The following TOR1AIP2 variants were observed in gnomAD, a reference collection of about 807,000 sequenced individuals.
The protein encoded by TOR1AIP2 is torsin 1A interacting protein 2.
Under a neutral mutation model 32.6 loss-of-function variants are expected in TOR1AIP2, and 20 were observed. That is an observed-to-expected ratio of 0.61 (90% confidence interval 0.43 to 0.89). The LOEUF is 0.89. TOR1AIP2 is among the 40% of genes least tolerant of loss of function. TOR1AIP2 has a pLI of 0.00. For synonymous variants in TOR1AIP2, 214 were observed against 210.8 expected, an observed-to-expected ratio of 1.02 and a Z score of -0.13; for missense variants, 456 against 553.8, an observed-to-expected ratio of 0.82 and a Z score of 1.77.
chr1:179,875,758 G>C (rs1647263269), intron 2 of TOR1AIP2: 1 of 151,468 alleles, frequency 6.6e-6, no homozygotes, highest in Non-Finnish European at 1.5e-5. Context: ...TATTAGTAAA[G>C]AGGAAAACAG....
chr1:179,871,541 T>C (rs1697011695), intron 2 of TOR1AIP2, among the ~76,000 whole-genome samples: 1 of 152,230 alleles, frequency 6.6e-6, no homozygotes, highest in Non-Finnish European at 1.5e-5. Context: ...TATTCTTTTT[T>C]GTGGTAGCAT....
chr1:179,845,634 T>C lies in TOR1AIP2; in HGVS notation c.*437A>G, dbSNP rs1203121304. On this transcript the variant is annotated 3_prime_UTR_variant, in exon 7 of 7. Transcript: ENST00000609928. ...AATATTCAACATGTGATAGAAAAAT[T>C]TTCTAAAGGTTATCATTGCTTCATA... The C allele has an allele frequency of 2.0e-5, 3 of 153,756 alleles. No homozygotes were observed. Among genetic ancestry groups the C allele is most frequent in the African/African-American group, 7.2e-5 (3 of 41,472 alleles). 9.5% of individuals were successfully genotyped at this position (153,756 alleles called of 1,614,324 possible).
At chr1:179,856,487 C>T (rs1696307208) in intron 3 of TOR1AIP2, among the ~76,000 whole-genome samples, 1 of 152,180 alleles carries the variant, frequency 6.6e-6, no homozygotes, top group African/African-American at 2.4e-5. Context: ...CATCACTGTT[C>T]ATAGTTGAAA....
chr1:179,863,766 C>T (rs1461101472), intron 3 of TOR1AIP2: 3 of 983,334 alleles, frequency 3.1e-6, no homozygotes, highest in Non-Finnish European at 3.6e-6. Context: ...TTGCTAAAAG[C>T]ACTAGATACC....
intron 3 of TOR1AIP2, chr1:179,861,418 G>A: frequency 2.0e-6 from 2 of 985,330 alleles, no homozygotes; most frequent in East Asian, 1.1e-4. Flanking sequence ...AATTTTATGA[G>A]CTCTACTACA....
At chr1:179,862,638 A>G (rs987180120) in intron 3 of TOR1AIP2, 1 of 985,310 alleles carries the variant, frequency 1.0e-6, no homozygotes, top group African/African-American at 1.7e-5. Flanking sequence ...TCCTTGCTAA[A>G]AGAGCCCTGG....
chr1:179,860,686 G>A (rs993142650), intron 3 of TOR1AIP2: 87 of 984,326 alleles, frequency 8.8e-5, no homozygotes, highest in Non-Finnish European at 1.0e-4. Context: ...ACTAGATACA[G>A]AGAGGTTAAA....
Position 179,851,985 on chromosome 1 carries a change from AT to A in TOR1AIP2, c.35-623del, listed in dbSNP as rs552077651. Reference sequence around the variant, plus strand: ...AATTCCAAAAGACTTTGTTTCTTTAATAAAAGTAAGAATGGCCAGATGTGGT... The same window carrying A: ...AATTCCAAAAGACTTTGTTTCTTTAAAAAAGTAAGAATGGCCAGATGTGGT... On this transcript the variant is annotated intron_variant, in intron 4 of 6. Coordinates refer to ENST00000609928, the MANE Select transcript of TOR1AIP2 (RefSeq NM_001199260.2). Among the ~76,000 whole-genome samples, 439 of 152,356 alleles carry A rather than the reference AT, an allele frequency of 2.9e-3. 2 individuals are homozygous for A. Among genetic ancestry groups the A allele is most frequent in the African/African-American group, 0.01 (428 of 41,586 alleles).
At chr1:179,858,919 T>A (rs1288267127) in intron 3 of TOR1AIP2, 5 of 714,732 alleles carry the variant, frequency 7.0e-6, no homozygotes, top group Non-Finnish European at 8.6e-6. Context: ...ATTTTTTAAA[T>A]GGAGAAGGAA....
At chr1:179,870,161 C>T (rs1050559252) in intron 2 of TOR1AIP2, among the ~76,000 whole-genome samples, 1 of 152,142 alleles carries the variant, frequency 6.6e-6, no homozygotes, top group Non-Finnish European at 1.5e-5. Flanking sequence ...CTTTGGGAGG[C>T]CAAGGCGGGT....
At chr1:179,860,256 G>A in intron 3 of TOR1AIP2, 1 of 959,208 alleles carries the variant, frequency 1.0e-6, no homozygotes, top group Non-Finnish European at 1.2e-6. Flanking sequence ...GCCCAGGTGA[G>A]AGGATCGCTT....
chr1:179,872,440 C>T (rs1316367733), intron 2 of TOR1AIP2, among the ~76,000 whole-genome samples: 2 of 152,184 alleles, frequency 1.3e-5, no homozygotes, highest in Admixed American at 1.3e-4. Context: ...CTTGCCCACT[C>T]CTCTGTACCA....
chr1:179,861,193 C>A, intron 3 of TOR1AIP2: 1 of 985,382 alleles, frequency 1.0e-6, no homozygotes, highest in Non-Finnish European at 1.2e-6. Context: ...GAGTGTAGCT[C>A]ACACTATTTA....
chr1:179,864,785 T>G (rs1321719072), intron 3 of TOR1AIP2: 2 of 1,592,716 alleles, frequency 1.3e-6, no homozygotes, highest in Non-Finnish European at 1.7e-6. Context: ...TAGAAGCTAT[T>G]TGTTTTGGCC....
chr1:179,871,712 A>T (rs1697015458), intron 2 of TOR1AIP2, among the ~76,000 whole-genome samples: 2 of 152,214 alleles, frequency 1.3e-5, no homozygotes, highest in Admixed American at 6.5e-5. Flanking sequence ...CCCATTTTAA[A>T]TATTTTCTTC....
chr1:179,852,615 A>C lies in TOR1AIP2; in HGVS notation c.34+17T>G, dbSNP rs1425183274. 6.2e-7 allele frequency: 1 copy of C among 1,613,782 alleles called. No homozygotes were observed. The highest frequency in any genetic ancestry group is 8.5e-7 in the Non-Finnish European group (1 of 1,179,810). ...TTCCTACAGCAGCAACCTCAGTGCC[A>C]GACAAATCAGTCTTACCCTCTTGAG... On this transcript the variant is annotated intron_variant, in intron 4 of 6. Transcript: ENST00000609928.
In TOR1AIP2 at chr1:179,840,918, A is replaced by T. The variant is rs1558002355; in HGVS notation, c.*5153T>A. On this transcript the variant is annotated 3_prime_UTR_variant, in exon 7 of 7. Coordinates refer to ENST00000609928, the MANE Select transcript of TOR1AIP2 (RefSeq NM_001199260.2). ...ATAATAATAATAATAATAATAATAA[A>T]GAAGTTATAGCACAGTTTATTAGCT... is the stretch of plus-strand genomic sequence containing the variant. 1 of 121,022 alleles carries T rather than the reference A, an allele frequency of 8.3e-6. No homozygotes were observed. The highest frequency in any genetic ancestry group is 4.5e-5 in the African/African-American group (1 of 22,116). The allele number at this position is 121,022 out of a possible 1,614,324, so 7.5% of individuals were successfully genotyped here.
Position 179,851,236 on chromosome 1 carries a change from T to C in TOR1AIP2, c.162A>G (p.Gln54=), listed in dbSNP as rs1171910345. Residue 54 remains glutamine (Q), a synonymous_variant, in exon 5 of 7, where the codon CAA becomes CAG. Coordinates refer to ENST00000609928, the MANE Select transcript of TOR1AIP2 (RefSeq NM_001199260.2). ...HSACGLSKDH[Q]EVETEGPESA... is the part of the protein sequence containing the mutation. ...TTTCTGGACCTTCTGTCTCTACCTC[T>C]TGGTGGTCTTTGCTAAGACCACAGG... 1 of 1,613,284 alleles carries C rather than the reference T, an allele frequency of 6.2e-7. No homozygotes were observed. Among genetic ancestry groups the C allele is most frequent in the Non-Finnish European group, 8.5e-7 (1 of 1,180,026 alleles).
At chr1:179,869,285 CT>C in intron 2 of TOR1AIP2, 1 of 147,926 alleles carries the variant, frequency 6.8e-6, no homozygotes, top group Non-Finnish European at 1.5e-5. Flanking sequence ...TGCAATAAAG[CT>C]TTAAAAAAAA....
Sources: allele counts gnomAD v4.1 joint callset (sites outside exome capture counted in the v4.1 genomes callset), GRCh38; gene constraint gnomAD v4.1.1; transcripts MANE v1.5; gene names NCBI Gene and HGNC (gene_info 2026-07-23, HGNC 2026-07-21).